AGAP3: variants seen among roughly 807,000 people sequenced by gnomAD.
AGAP3 encodes ArfGAP with GTPase domain, ankyrin repeat and PH domain 3, also known as arf-GAP with GTPase, ANK repeat and PH domain-containing protein 3.
In AGAP3, 24 loss-of-function variants were observed where a neutral mutation model predicts 96.9. That is an observed-to-expected ratio of 0.25 (90% CI 0.18 to 0.35). The LOEUF (loss-of-function observed/expected upper bound fraction) is 0.35, where lower values mean the gene tolerates loss of function less well. Ranked by LOEUF, AGAP3 falls within the 10% of genes least tolerant of loss-of-function variation. The probability of loss-of-function intolerance (pLI) is 1.00; values close to 1 mark genes in which losing one functional copy is unlikely to be tolerated. For synonymous variants in AGAP3, 563 were observed against 536.1 expected, an observed-to-expected ratio of 1.05 and a Z score of -0.69; for missense variants, 876 against 1,254.2, an observed-to-expected ratio of 0.70 and a Z score of 4.55.
At chr7:151,104,256 C>T (rs182157318) in intron 1 of AGAP3, among the ~76,000 whole-genome samples, 3,760 of 152,262 alleles carry the variant, frequency 0.025, 154 homozygotes, top group African/African-American at 0.086. Flanking sequence ...AGCATCTTCC[C>T]ACTCTTATCT....
In AGAP3 at chr7:151,117,646, G is replaced by A. The variant is rs762477131; in HGVS notation, c.575G>A (p.Trp192Ter). Reference protein sequence around the residue: ...GGPPELQFAAWVDAVVFVFSL... With the variant: ...GGPPELQFAA The stretch of plus-strand genomic sequence containing the variant: ...CTTGCTCTACCCTAGTTTGCTGCCT[G>A]GGTGGATGCAGTGGTGTTTGTGTTC... Residue 192 changes from tryptophan to a stop codon, truncating the protein, a stop_gained, in exon 5 of 18, where the codon TGG (tryptophan) becomes TAG (stop). Coordinates refer to ENST00000397238, the MANE Select transcript of AGAP3 (RefSeq NM_031946.7). LOFTEE classifies it high-confidence loss of function. The A allele has an allele frequency of 6.2e-7, 1 of 1,614,146 alleles. No homozygotes were observed. Among genetic ancestry groups the A allele is most frequent in the Admixed American group, 1.7e-5 (1 of 60,018 alleles).
chr7:151,131,588 C>G (rs1043422865), intron 10 of AGAP3, among the ~76,000 whole-genome samples: 46 of 152,236 alleles, frequency 3.0e-4, no homozygotes, highest in African/African-American at 1.1e-3. Flanking sequence ...CTTCTCTCCA[C>G]TGTCCTCTGG....
chr7:151,120,178 C>A, intron 8 of AGAP3, 33 bp downstream of exon 8: 1 of 1,566,184 alleles, frequency 6.4e-7, no homozygotes. Flanking sequence ...CGCCCAGCTG[C>A]CTTTGCTGCA....
chr7:151,122,627 TC>T, intron 8 of AGAP3: 1 of 1,438,174 alleles, frequency 7.0e-7, no homozygotes. Context: ...CTGCCGCCGC[TC>T]CCCAGGCGCC....
chr7:151,134,167 C>T (rs547051513), intron 10 of AGAP3, among the ~76,000 whole-genome samples: 7 of 152,274 alleles, frequency 4.6e-5, no homozygotes, highest in Admixed American at 6.5e-5. Context: ...GGTCCTTCGC[C>T]GCCCCCAACT....
At chr7:151,106,542 G>T (rs932289043) in intron 1 of AGAP3, among the ~76,000 whole-genome samples, 2 of 151,988 alleles carry the variant, frequency 1.3e-5, no homozygotes, top group African/African-American at 4.8e-5. Context: ...CAGTGGTGCA[G>T]TCTTGACCCA....
chr7:151,114,473 G>A lies in AGAP3; in HGVS notation c.332-2320G>A, dbSNP rs1290438219. Among the ~76,000 whole-genome samples the A allele has an allele frequency of 1.3e-5, 2 of 152,220 alleles. No individual in the cohort carries two copies. Among genetic ancestry groups the A allele is most frequent in the South Asian group, 2.1e-4 (1 of 4,838 alleles). ...CGGATCCTAGGAGGCGCCCTGGGCT[G>A]GAATTTCCTGTTTTCGAGGGCTCCC... On this transcript the variant is annotated intron_variant, in intron 1 of 17. Coordinates refer to ENST00000397238, the MANE Select transcript of AGAP3 (RefSeq NM_031946.7). The surrounding 1 kb of genome is among the most constrained non-coding windows in gnomAD (Gnocchi z 4.4).
rs146718101 is a variant in AGAP3 at position 151,108,460 on chromosome 7, G to A, written c.332-8333G>A. Among the ~76,000 whole-genome samples the A allele has an allele frequency of 4.6e-5, 7 of 152,134 alleles. No homozygotes were observed. The East Asian group carries it at 7.8e-4, about 17-fold the overall frequency. ...CCGCACCCCCACCAGCACCTCTGCC[G>A]CCTTCTCTCCCTCAGCTTTTCCCTG... is the stretch of plus-strand genomic sequence containing the variant. On this transcript the variant is annotated intron_variant, in intron 1 of 17. Transcript: ENST00000397238. The surrounding 1 kb of genome is among the most constrained non-coding windows in gnomAD (Gnocchi z 4.2).
At chr7:151,123,581 C>G in intron 8 of AGAP3, 1 of 1,390,800 alleles carries the variant, frequency 7.2e-7, no homozygotes, top group African/African-American at 1.4e-5. Context: ...GGGCCCGGCT[C>G]AGTGACCTGT....
chr7:151,127,304 C>T (rs1215862234), intron 9 of AGAP3, among the ~76,000 whole-genome samples: 1 of 152,186 alleles, frequency 6.6e-6, no homozygotes, highest in Non-Finnish European at 1.5e-5. Context: ...CTGGCGGGGC[C>T]CTCCATTCCT....
chr7:151,107,575 G>A (rs964260852), intron 1 of AGAP3, among the ~76,000 whole-genome samples: 1 of 152,068 alleles, frequency 6.6e-6, no homozygotes, highest in Non-Finnish European at 1.5e-5. Flanking sequence ...AGTGAGCTGT[G>A]ATGGCGCCAT....
At chr7:151,105,567 G>A (rs1044867457) in intron 1 of AGAP3, among the ~76,000 whole-genome samples, 9 of 148,086 alleles carry the variant, frequency 6.1e-5, no homozygotes, top group Admixed American at 4.1e-4. Flanking sequence ...ACCACTGTGG[G>A]CAACATAGGG....
rs532974826 is a variant in AGAP3 at position 151,123,236 on chromosome 7, C to T, written c.1129-558C>T. 784 of 1,070,152 alleles carry T rather than the reference C, an allele frequency of 7.3e-4. 9 individuals are homozygous for T. The African/African-American group carries it at 0.013, about 17-fold the overall frequency. 66.3% of individuals were successfully genotyped at this position (1,070,152 alleles called of 1,614,324 possible). A position where few individuals can be genotyped will look rare whatever the true frequency, so the allele number is the denominator to read the frequency against. ...GCTTGCCTTGCCCCCTCTTTTTGGC[C>T]TCCCCCTATTTCCTAGGATCCGCAT... On this transcript the variant is annotated intron_variant, in intron 8 of 17. Coordinates refer to ENST00000397238, the MANE Select transcript of AGAP3 (RefSeq NM_031946.7).
chr7:151,116,861 G>A lies in AGAP3; in HGVS notation c.390+10G>A. On this transcript the variant is annotated intron_variant, in intron 2 of 17. Coordinates refer to ENST00000397238, the MANE Select transcript of AGAP3 (RefSeq NM_031946.7). ...ACCGGAGCTTAAAGTGGTGAGTGTG[G>A]CCCATGGGCAGCACCGGCGGCCTGG... The A allele has an allele frequency of 6.2e-7, 1 of 1,613,810 alleles. No individual in the cohort carries two copies.
At chr7:151,125,572 G>A (rs6464131) in intron 9 of AGAP3, among the ~76,000 whole-genome samples, 1 of 152,212 alleles carries the variant, frequency 6.6e-6, no homozygotes, top group African/African-American at 2.4e-5. Context: ...GGTGCCCGCT[G>A]CTTCCCGTTC....
Position 151,104,445 on chromosome 7 carries a change from G to A in AGAP3, c.332-12348G>A, listed in dbSNP as rs1243303021. On this transcript the variant is annotated intron_variant, in intron 1 of 17. Transcript: ENST00000397238. ...AAGAGCTCCTGCAGATTAAGAAAAC[G>A]ATTTGAAAAACCCAAGAGAAAAACA... is the stretch of plus-strand genomic sequence containing the variant. 3.3e-5 allele frequency among the ~76,000 whole-genome samples: 5 copies of A among 152,286 alleles called. No homozygotes were observed. The South Asian group carries it at 6.2e-4, about 19-fold the overall frequency.
intron 8 of AGAP3, among the ~76,000 whole-genome samples, chr7:151,121,709 C>T (rs984585843): frequency 3.3e-5 from 5 of 152,176 alleles, no homozygotes; most frequent in East Asian, 1.9e-4. Context: ...CGCTTCCATT[C>T]TCTCCATCCT....
Position 151,140,379 on chromosome 7 carries a change from T to C in AGAP3, c.1804+263T>C. ...CTTAAGGTAAAAGACAGCAGACTGC[T>C]ACATCAATAGCTCCTCTAAGATGTT... On this transcript the variant is annotated intron_variant, in intron 13 of 17. Coordinates refer to ENST00000397238, the MANE Select transcript of AGAP3 (RefSeq NM_031946.7). This position sits in a 1 kb window ranked among gnomAD's most constrained non-coding sequence, Gnocchi z 5.4. 3.3e-6 allele frequency: 1 copy of C among 299,138 alleles called. No individual in the cohort carries two copies. Among genetic ancestry groups the C allele is most frequent in the East Asian group, 6.6e-5 (1 of 15,042 alleles). The allele number at this position is 299,138 out of a possible 1,614,324, so 18.5% of individuals were successfully genotyped here.
At position 151,118,463 on chromosome 7, in the gene AGAP3, C is replaced by T. The variant is rs745856282; in HGVS notation, c.842-42C>T. ...GGGAGGTGCTAAGCCAGGCTTTTCCCTTCTCTCCAGTGGGTATAATTGACT... is the reference window on the plus strand; with the variant it reads ...GGGAGGTGCTAAGCCAGGCTTTTCCTTTCTCTCCAGTGGGTATAATTGACT... On this transcript the variant is annotated intron_variant, in intron 6 of 17. Coordinates refer to ENST00000397238, the MANE Select transcript of AGAP3 (RefSeq NM_031946.7). This position sits in a 1 kb window ranked among gnomAD's most constrained non-coding sequence, Gnocchi z 6.1. 2 of 1,606,848 alleles carry T rather than the reference C, an allele frequency of 1.2e-6. No homozygotes were observed. Among genetic ancestry groups the T allele is most frequent in the Non-Finnish European group, 1.7e-6 (2 of 1,173,934 alleles).
Sources: gnomAD v4.1 joint callset for allele counts (sites outside exome capture counted in the v4.1 genomes callset) on GRCh38, gnomAD v4.1.1 for gene constraint, Gnocchi (gnomAD v3.1) non-coding constraint, MANE v1.5 for transcripts, NCBI Gene and HGNC (gene_info 2026-07-23, HGNC 2026-07-21) for gene names.